SYNPR: variants seen among roughly 807,000 people sequenced by gnomAD.
SYNPR encodes the protein synaptoporin.
Under a neutral mutation model 32.9 loss-of-function variants are expected in SYNPR, and 23 were observed. The observed-to-expected ratio is 0.70, with a 90% CI of 0.50 to 0.99. The LOEUF (loss-of-function observed/expected upper bound fraction) is 0.99, where lower values mean the gene tolerates loss of function less well. Among genes scored for constraint, SYNPR ranks in the 50% least tolerant of loss-of-function variants. The pLI, the probability that SYNPR is intolerant of heterozygous loss-of-function variation, is 0.00. For missense variants in SYNPR, 318 were observed against 349.3 expected, an observed-to-expected ratio of 0.91 and a Z score of 0.71; for synonymous variants, 146 against 135.9, an observed-to-expected ratio of 1.07 and a Z score of -0.52.
intron 2 of SYNPR, among the ~76,000 whole-genome samples, chr3:63,316,463 AG>A (rs2106961499): frequency 6.6e-6 from 1 of 151,904 alleles, no homozygotes; most frequent in Admixed American, 6.6e-5. Flanking sequence ...TTAAGCTAGG[AG>A]GGCTGTATTT....
intron 2 of SYNPR, among the ~76,000 whole-genome samples, chr3:63,334,640 A>T (rs568958991): frequency 6.6e-6 from 1 of 152,094 alleles, no homozygotes; most frequent in East Asian, 1.9e-4. Flanking sequence ...TGGCTGCCTG[A>T]AAAGGAAATG....
At chr3:63,425,190 A>G (rs1178992967) in intron 2 of SYNPR, among the ~76,000 whole-genome samples, 1 of 152,200 alleles carries the variant, frequency 6.6e-6, no homozygotes, top group Non-Finnish European at 1.5e-5. Context: ...ATTAAACTCT[A>G]TCTATAGAGT....
chr3:63,210,749 C>T, the SYNPR span, among the ~76,000 whole-genome samples: 2 of 152,000 alleles, frequency 1.3e-5, no homozygotes, highest in Non-Finnish European at 2.9e-5. Context: ...AACTATCTTT[C>T]CCTTTCTTTC....
intron 4 of SYNPR, among the ~76,000 whole-genome samples, chr3:63,595,744 TATATATATATA>T (rs1699930547): frequency 4.2e-5 from 2 of 47,370 alleles, no homozygotes; most frequent in African/African-American, 3.0e-4. Context: ...TATATATATA[TATATATATATA>T]TATATATATA....
chr3:63,436,878 T>C (rs1229236358), intron 2 of SYNPR, among the ~76,000 whole-genome samples: 1 of 152,090 alleles, frequency 6.6e-6, no homozygotes, highest in Non-Finnish European at 1.5e-5. Flanking sequence ...TCCTTTTCCT[T>C]TCCTTTGTTT....
chr3:63,544,460 T>C (rs1222687594), intron 3 of SYNPR, among the ~76,000 whole-genome samples: 2 of 152,078 alleles, frequency 1.3e-5, no homozygotes, highest in African/African-American at 4.8e-5. Context: ...AGATTGTATT[T>C]TGTTCTATAT....
At chr3:63,257,744 A>G (rs1460760844) in intron 2 of SYNPR, among the ~76,000 whole-genome samples, 2 of 152,228 alleles carry the variant, frequency 1.3e-5, no homozygotes, top group Admixed American at 1.3e-4. Flanking sequence ...TAAATGGGCT[A>G]AATGCTCCAA....
intron 2 of SYNPR, chr3:63,443,344 G>A: frequency 6.5e-7 from 1 of 1,530,798 alleles, no homozygotes; most frequent in Non-Finnish European, 8.8e-7. Flanking sequence ...TAAAAAGAGG[G>A]ACAAGTGGCT....
At chr3:63,211,858 CCT>C in the SYNPR span, among the ~76,000 whole-genome samples, 1 of 111,492 alleles carries the variant, frequency 9.0e-6, no homozygotes, top group African/African-American at 3.5e-5. Flanking sequence ...ATCCCTCCCC[CCT>C]CCCCCGACCC....
At chr3:63,519,121 G>T (rs138078188) in intron 3 of SYNPR, among the ~76,000 whole-genome samples, 1 of 152,264 alleles carries the variant, frequency 6.6e-6, no homozygotes, top group African/African-American at 2.4e-5. Context: ...CTACATGACC[G>T]TGGTGGATTA....
At chr3:63,577,172 C>A (rs954911155) in intron 4 of SYNPR, among the ~76,000 whole-genome samples, 4 of 152,118 alleles carry the variant, frequency 2.6e-5, no homozygotes, top group Non-Finnish European at 5.9e-5. Flanking sequence ...AAACTGTGAA[C>A]CAGGGAGCAG....
At chr3:63,535,099 T>C (rs1409586919) in intron 3 of SYNPR, among the ~76,000 whole-genome samples, 1 of 152,142 alleles carries the variant, frequency 6.6e-6, no homozygotes, top group African/African-American at 2.4e-5. Flanking sequence ...CCACAGCTGA[T>C]AAGTAGCAGA....
chr3:63,487,754 C>T (rs575083159), intron 3 of SYNPR, among the ~76,000 whole-genome samples: 1 of 152,310 alleles, frequency 6.6e-6, no homozygotes, highest in South Asian at 2.1e-4. Flanking sequence ...AAAGCTCCCC[C>T]TCAAAGTGAC....
intron 5 of SYNPR, among the ~76,000 whole-genome samples, chr3:63,613,018 T>C (rs530797476): frequency 1.3e-5 from 2 of 151,198 alleles, no homozygotes; most frequent in South Asian, 4.2e-4. Context: ...GTCACCCAGG[T>C]GGGAGGTGCA....
intron 2 of SYNPR, among the ~76,000 whole-genome samples, chr3:63,470,348 T>C (rs937929840): frequency 5.3e-5 from 8 of 151,386 alleles, no homozygotes; most frequent in Non-Finnish European, 1.0e-4. Flanking sequence ...ATTTAATTAC[T>C]CTATTTTTTT....
At chr3:63,293,543 T>C (rs2086762781) in intron 2 of SYNPR, among the ~76,000 whole-genome samples, 1 of 152,232 alleles carries the variant, frequency 6.6e-6, no homozygotes, top group South Asian at 2.1e-4. Flanking sequence ...ACATAATGTA[T>C]TAATTTGCTA....
chr3:63,388,411 A>T (rs1490056779), intron 2 of SYNPR, among the ~76,000 whole-genome samples: 1 of 128,744 alleles, frequency 7.8e-6, no homozygotes, highest in Non-Finnish European at 1.6e-5. Flanking sequence ...TTTTTAAGAC[A>T]GAGTTTCACT....
chr3:63,509,057 T>A (rs1701641747), intron 3 of SYNPR, among the ~76,000 whole-genome samples: 1 of 151,864 alleles, frequency 6.6e-6, no homozygotes, highest in Non-Finnish European at 1.5e-5. Context: ...AAGTCCCAGT[T>A]CTTCCAAGAT....
chr3:63,244,349 G>A (rs1010613413), intron 1 of SYNPR, among the ~76,000 whole-genome samples: 1 of 152,060 alleles, frequency 6.6e-6, no homozygotes, highest in Non-Finnish European at 1.5e-5. Context: ...GAAGGCAACA[G>A]AGGCTGGAAA....
Sources: allele counts gnomAD v4.1 joint callset (sites outside exome capture counted in the v4.1 genomes callset), GRCh38; gene constraint gnomAD v4.1.1; transcripts MANE v1.5; gene names NCBI Gene and HGNC (gene_info 2026-07-23, HGNC 2026-07-21).